CLVS1: variants seen among roughly 807,000 people sequenced by gnomAD.
The protein encoded by CLVS1 is clavesin-1.
CLVS1 carries 10 observed loss-of-function variants against 33.1 expected under a neutral mutation model. The ratio of observed to expected loss-of-function variants is 0.30; its 90% CI spans 0.19 to 0.51. CLVS1 has a LOEUF of 0.51. Among genes scored for constraint, CLVS1 ranks in the 20% least tolerant of loss-of-function variants. The pLI, the probability that CLVS1 is intolerant of heterozygous loss-of-function variation, is 0.97. For synonymous variants in CLVS1, 163 were observed against 166.1 expected, an observed-to-expected ratio of 0.98 and a Z score of 0.14; for missense variants, 343 against 433.4, an observed-to-expected ratio of 0.79 and a Z score of 1.85.
At chr8:61,481,470 GTACCTGGAAAATCTGGAAACTCCTACCC>G (rs1242393282) in intron 5 of CLVS1, among the ~76,000 whole-genome samples, 2 of 152,150 alleles carry the variant, frequency 1.3e-5, no homozygotes, top group Non-Finnish European at 2.9e-5. Flanking sequence ...GTGACAGATC[GTACCTGGAAAATCTGGAAACTCCTACCC>G]TAATACTACG....
chr8:61,114,266 T>C (rs1805679164), intron 1 of CLVS1, among the ~76,000 whole-genome samples: 1 of 152,256 alleles, frequency 6.6e-6, no homozygotes, highest in African/African-American at 2.4e-5. Flanking sequence ...AAAGATTCAC[T>C]TGCTTTACTA....
chr8:61,435,625 T>TA (rs35113828), intron 3 of CLVS1, among the ~76,000 whole-genome samples: 5,576 of 135,036 alleles, frequency 0.041, 198 homozygotes, highest in African/African-American at 0.099. Context: ...ATTGTGATAG[T>TA]AAAAAAAAAA....
chr8:61,054,687 A>G (rs542375501), upstream of CLVS1, among the ~76,000 whole-genome samples: 1 of 151,952 alleles, frequency 6.6e-6, no homozygotes, highest in South Asian at 2.1e-4. Context: ...TAAAAAGGAA[A>G]GTACTTTGTA....
At chr8:61,404,983 C>T (rs1049793480) in intron 3 of CLVS1, among the ~76,000 whole-genome samples, 1 of 152,152 alleles carries the variant, frequency 6.6e-6, no homozygotes, top group African/African-American at 2.4e-5. Flanking sequence ...TGAGAGCTGG[C>T]CACCAGAACC....
chr8:61,093,380 T>C (rs1325759954), intron 1 of CLVS1, among the ~76,000 whole-genome samples: 1 of 152,216 alleles, frequency 6.6e-6, no homozygotes. Context: ...TATAGAATTC[T>C]TCCTGGACTC....
chr8:61,215,527 C>CT (rs10653767), intron 2 of CLVS1, among the ~76,000 whole-genome samples: 83,454 of 151,692 alleles, frequency 0.55, 24,310 homozygotes, highest in East Asian at 0.97. Flanking sequence ...TAACGGATGT[C>CT]TTTTTTTTAC....
At chr8:61,314,777 A>T (rs904082629) in intron 2 of CLVS1, among the ~76,000 whole-genome samples, 1 of 152,200 alleles carries the variant, frequency 6.6e-6, no homozygotes, top group Admixed American at 6.5e-5. Context: ...TGTTGTTGTT[A>T]CTTCTTTCTC....
At chr8:61,065,602 T>C (rs1236139987) in intron 1 of CLVS1, among the ~76,000 whole-genome samples, 2 of 152,268 alleles carry the variant, frequency 1.3e-5, no homozygotes, top group African/African-American at 4.8e-5. Context: ...GCTCCTATTT[T>C]TTTAATCTCT....
intron 3 of CLVS1, among the ~76,000 whole-genome samples, chr8:61,396,952 G>A (rs1329095514): frequency 1.3e-5 from 2 of 152,088 alleles, no homozygotes; most frequent in South Asian, 2.1e-4. Flanking sequence ...GGCTATTTTG[G>A]TTGTTTCCAC....
chr8:61,297,207 C>A (rs1422581147), intron 1 of CLVS1, among the ~76,000 whole-genome samples: 1 of 151,994 alleles, frequency 6.6e-6, no homozygotes, highest in Non-Finnish European at 1.5e-5. Flanking sequence ...TATCCTGGGA[C>A]AACTAGATGC....
At chr8:61,064,210 T>G (rs1804634360) in intron 1 of CLVS1, among the ~76,000 whole-genome samples, 1 of 152,228 alleles carries the variant, frequency 6.6e-6, no homozygotes, top group Admixed American at 6.5e-5. Flanking sequence ...TCTTTTTGAG[T>G]GCCTGCTTTC....
chr8:60,975,537 C>T, the CLVS1 span, among the ~76,000 whole-genome samples: 1 of 152,024 alleles, frequency 6.6e-6, no homozygotes, highest in African/African-American at 2.4e-5. Context: ...GTTATGCTGC[C>T]ACAAGACAAA....
At chr8:61,468,379 T>C (rs1472665810) in intron 5 of CLVS1, among the ~76,000 whole-genome samples, 1 of 152,206 alleles carries the variant, frequency 6.6e-6, no homozygotes, top group Admixed American at 6.5e-5. Flanking sequence ...AATGTTTGTT[T>C]GTTGTTTCTC....
chr8:61,199,353 T>C (rs937921547), intron 2 of CLVS1, among the ~76,000 whole-genome samples: 2 of 152,124 alleles, frequency 1.3e-5, no homozygotes, highest in Non-Finnish European at 2.9e-5. Flanking sequence ...TTGCCAACTA[T>C]ATCTCCAAGC....
At chr8:61,376,524 G>A in intron 2 of CLVS1, 81 bp from the exon 3 acceptor site, 1 of 1,359,532 alleles carries the variant, frequency 7.4e-7, no homozygotes, top group Non-Finnish European at 1.0e-6. Context: ...GCAGTGGCAT[G>A]CGGAGGCCAG....
intron 2 of CLVS1, among the ~76,000 whole-genome samples, chr8:61,374,618 A>G (rs1188690826): frequency 1.3e-5 from 2 of 152,250 alleles, no homozygotes; most frequent in East Asian, 3.9e-4. Flanking sequence ...AGTCCCAATG[A>G]AAACCTATTC....
At chr8:61,202,836 A>AGAT (rs1032932433) in intron 2 of CLVS1, 10 of 1,020,256 alleles carry the variant, frequency 9.8e-6, no homozygotes, top group East Asian at 2.4e-5. Flanking sequence ...CTGCTGATGA[A>AGAT]GATGATGATG....
chr8:61,496,789 G>T (rs1330698496), intron 5 of CLVS1, among the ~76,000 whole-genome samples: 1 of 152,176 alleles, frequency 6.6e-6, no homozygotes, highest in Non-Finnish European at 1.5e-5. Context: ...AAACAACAGT[G>T]ATTTTTATGG....
rs1554558358 is a variant in CLVS1 at position 61,321,397 on chromosome 8, A to AC, written c.455+21115_455+21116insC. Among the ~76,000 whole-genome samples, 65 of 149,422 alleles carry AC rather than the reference A, an allele frequency of 4.4e-4. 1 individual carries two copies. The highest frequency in any genetic ancestry group is 3.2e-3 in the Middle Eastern group (1 of 312). On this transcript the variant is annotated intron_variant, in intron 2 of 5. Transcript: ENST00000325897. ...TGGATTTTTTTTTCTGGGTGATCTG[A>AC]TTTTTTTTTCTTCTGGATGCCTATA...
Sources: gnomAD v4.1 joint callset for allele counts (sites outside exome capture counted in the v4.1 genomes callset) on GRCh38, gnomAD v4.1.1 for gene constraint, MANE v1.5 for transcripts, NCBI Gene and HGNC (gene_info 2026-07-23, HGNC 2026-07-21) for gene names.